PRIM1: variants seen among roughly 807,000 people sequenced by gnomAD.
PRIM1 encodes DNA primase subunit 1.
PRIM1 carries 38 observed loss-of-function variants against 60.2 expected under a neutral mutation model. The observed-to-expected ratio is 0.63, with a 90% CI of 0.49 to 0.83. The LOEUF (loss-of-function observed/expected upper bound fraction) is 0.83, where lower values mean the gene tolerates loss of function less well. PRIM1 is among the 40% of genes least tolerant of loss of function. PRIM1 has a pLI of 0.00. For missense variants in PRIM1, 388 were observed against 506.2 expected, an observed-to-expected ratio of 0.77 and a Z score of 2.24; for synonymous variants, 158 against 160.2, an observed-to-expected ratio of 0.99 and a Z score of 0.10.
chr12:56,739,061 A>C (rs935837862), intron 10 of PRIM1, among the ~76,000 whole-genome samples: 3 of 152,224 alleles, frequency 2.0e-5, no homozygotes, highest in African/African-American at 7.2e-5. Flanking sequence ...AATCTGTTTA[A>C]GTCAGAATTT....
chr12:56,743,221 T>C, intron 6 of PRIM1, 125 bp from the exon 7 acceptor site: 1 of 1,153,288 alleles, frequency 8.7e-7, no homozygotes, highest in South Asian at 1.9e-5. Context: ...CTTAACTAGG[T>C]AAAATGGGAA....
At chr12:56,750,142 A>T (rs1023088076) in intron 2 of PRIM1, among the ~76,000 whole-genome samples, 2 of 152,234 alleles carry the variant, frequency 1.3e-5, no homozygotes, top group African/African-American at 4.8e-5. Context: ...ACTTTTAGTC[A>T]GTGAAATGAG....
chr12:56,738,576 G>T lies in PRIM1; in HGVS notation c.1053-51C>A, dbSNP rs368915984. 22 of 1,528,684 alleles carry T rather than the reference G, an allele frequency of 1.4e-5. No homozygotes were observed. In the East Asian group the frequency reaches 5.2e-4, roughly 36 times the overall value. The allele number at this position is 1,528,684 out of a possible 1,614,324, so 94.7% of individuals were successfully genotyped here. A position where few individuals can be genotyped will look rare whatever the true frequency, so the allele number is the denominator to read the frequency against. On this transcript the variant is annotated intron_variant, in intron 10 of 12. Coordinates refer to ENST00000338193, the MANE Select transcript of PRIM1 (RefSeq NM_000946.3). ...TTGTTTTTGTTTTTGTTTTTGAGAC[G>T]GAGTCTTGCTCTGTTGCCAGGCCGG...
chr12:56,743,200 C>A, intron 6 of PRIM1, 104 bp from the exon 7 acceptor site: 1 of 1,302,120 alleles, frequency 7.7e-7, no homozygotes, highest in Non-Finnish European at 9.9e-7. Flanking sequence ...ATTTTCATGA[C>A]ATTTTCAGAA....
chr12:56,747,694 A>T (rs190578037), intron 2 of PRIM1, among the ~76,000 whole-genome samples: 2 of 152,210 alleles, frequency 1.3e-5, no homozygotes, highest in East Asian at 3.9e-4. Context: ...GCTGTGAGTC[A>T]AGATCACGCC....
chr12:56,743,194 T>C, intron 6 of PRIM1, 98 bp from the exon 7 acceptor site: 1 of 1,333,982 alleles, frequency 7.5e-7, no homozygotes. Context: ...CTGCTTATTT[T>C]CATGACATTT....
chr12:56,739,398 G>T, intron 9 of PRIM1, 35 bp from the exon 10 acceptor site: 1 of 1,405,440 alleles, frequency 7.1e-7, no homozygotes, highest in Non-Finnish European at 9.7e-7. Context: ...TGATGATTGT[G>T]GACTATAAAT....
At chr12:56,745,593 C>T (rs1048251193) in intron 5 of PRIM1, among the ~76,000 whole-genome samples, 3 of 152,012 alleles carry the variant, frequency 2.0e-5, no homozygotes, top group Non-Finnish European at 4.4e-5. Flanking sequence ...GCTACTATGA[C>T]TTTAAATGAT....
chr12:56,732,625 T>C (rs540040166), intron 12 of PRIM1, among the ~76,000 whole-genome samples: 128 of 152,242 alleles, frequency 8.4e-4, no homozygotes, highest in African/African-American at 2.5e-3. Context: ...GTTTGCTTCT[T>C]TGGATTTATA....
chr12:56,749,076 T>C (rs1202266997), intron 2 of PRIM1, among the ~76,000 whole-genome samples: 1 of 152,170 alleles, frequency 6.6e-6, no homozygotes, highest in Non-Finnish European at 1.5e-5. Context: ...TGGCGTGATC[T>C]TGACCCACTG....
At chr12:56,740,043 A>G (rs1953859950) in intron 9 of PRIM1, among the ~76,000 whole-genome samples, 1 of 151,928 alleles carries the variant, frequency 6.6e-6, no homozygotes, top group African/African-American at 2.4e-5. Flanking sequence ...AGGGTGAGGC[A>G]GAGAATTGCT....
At chr12:56,744,497 A>C (rs980087975) in intron 5 of PRIM1, among the ~76,000 whole-genome samples, 1 of 152,108 alleles carries the variant, frequency 6.6e-6, no homozygotes, top group African/African-American at 2.4e-5. Flanking sequence ...CCATCTCAAA[A>C]AAAAAAGAAA....
intron 12 of PRIM1, among the ~76,000 whole-genome samples, chr12:56,732,918 G>A (rs1439552897): frequency 4.7e-5 from 7 of 148,506 alleles, no homozygotes; most frequent in Middle Eastern, 3.6e-3. Flanking sequence ...GCAATGGTGC[G>A]ATCTTGGCTC....
At chr12:56,733,380 A>T (rs1241931805) in intron 12 of PRIM1, among the ~76,000 whole-genome samples, 1 of 151,228 alleles carries the variant, frequency 6.6e-6, no homozygotes, top group African/African-American at 2.4e-5. Flanking sequence ...GCTTGTTTTG[A>T]ACTCCTGACC....
chr12:56,737,993 G>A (rs1361783880), intron 11 of PRIM1, among the ~76,000 whole-genome samples: 1 of 152,186 alleles, frequency 6.6e-6, no homozygotes. Flanking sequence ...CCAAAGAGCC[G>A]GGATTACAGG....
chr12:56,734,333 T>C, intron 11 of PRIM1, 88 bp from the exon 12 acceptor site: 1 of 754,746 alleles, frequency 1.3e-6, no homozygotes, highest in Non-Finnish European at 2.1e-6. Flanking sequence ...AAGAATTCTC[T>C]AGGGCTGCCC....
rs188318930 is a variant in PRIM1, at chr12:56,734,910, C to T, written c.1145-665G>A. On this transcript the variant is annotated intron_variant, in intron 11 of 12. Coordinates refer to ENST00000338193, the MANE Select transcript of PRIM1 (RefSeq NM_000946.3). ...TACTGCAACTTCCGCCTCCCAGGTT[C>T]AAGCAATTCTCCTACCTCAGCCTCC... Among the ~76,000 whole-genome samples the T allele has an allele frequency of 8.3e-3, 1,239 of 149,776 alleles. 7 individuals carry two copies. Among genetic ancestry groups the T allele is most frequent in the Middle Eastern group, 0.021 (6 of 290 alleles).
At chr12:56,749,312 A>G (rs897498012) in intron 2 of PRIM1, among the ~76,000 whole-genome samples, 5 of 152,190 alleles carry the variant, frequency 3.3e-5, no homozygotes, top group Admixed American at 2.0e-4. Context: ...CCAGCCTGGT[A>G]GCAGATTTTT....
At chr12:56,746,294 A>T in intron 4 of PRIM1, 113 bp from the exon 5 acceptor site, 1 of 1,248,128 alleles carries the variant, frequency 8.0e-7, no homozygotes. Context: ...TCATCTCTTT[A>T]CCCATCCTGG....
Sources: allele counts gnomAD v4.1 joint callset (sites outside exome capture counted in the v4.1 genomes callset), GRCh38; gene constraint gnomAD v4.1.1; transcripts MANE v1.5; gene names NCBI Gene and HGNC (gene_info 2026-07-23, HGNC 2026-07-21).